ENOX1: variants seen among roughly 807,000 people sequenced by gnomAD.
ENOX1 encodes candidate growth-related and time keeping constitutive hydroquinone (NADH) oxidase.
In ENOX1, 42 loss-of-function variants were observed where a neutral mutation model predicts 82.5. The ratio of observed to expected loss-of-function variants is 0.51; its 90% CI spans 0.40 to 0.66. ENOX1 has a LOEUF of 0.66. Among genes scored for constraint, ENOX1 ranks in the 30% least tolerant of loss-of-function variants. The probability of loss-of-function intolerance (pLI) is 0.00; values close to 1 mark genes in which losing one functional copy is unlikely to be tolerated. For missense variants in ENOX1, 608 were observed against 811.6 expected (o/e 0.75, Z 3.05); for synonymous variants, 271 against 282.2 (o/e 0.96, Z 0.40).
At chr13:43,710,012 G>A (rs993757720) in intron 1 of ENOX1, among the ~76,000 whole-genome samples, 1 of 152,108 alleles carries the variant, frequency 6.6e-6, no homozygotes, top group Non-Finnish European at 1.5e-5. Context: ...CAGCATATGT[G>A]ATAAGAACAC....
At chr13:43,781,159 T>C (rs1271608484) in intron 1 of ENOX1, among the ~76,000 whole-genome samples, 1 of 152,250 alleles carries the variant, frequency 6.6e-6, no homozygotes, top group Non-Finnish European at 1.5e-5. Flanking sequence ...GCTTAAAATA[T>C]GCAGTGCCAG....
chr13:43,360,084 T>C, intron 6 of ENOX1, 27 bp from the exon 7 acceptor site: 1 of 1,603,648 alleles, frequency 6.2e-7, no homozygotes, highest in African/African-American at 1.3e-5. Flanking sequence ...AACAGAAAGT[T>C]TTATCTTTCA....
At chr13:43,445,968 G>A (rs1290085076) in intron 3 of ENOX1, among the ~76,000 whole-genome samples, 1 of 152,116 alleles carries the variant, frequency 6.6e-6, no homozygotes, top group African/African-American at 2.4e-5. Flanking sequence ...GCTCCCACGA[G>A]GAAAACATCT....
chr13:43,411,537 CA>C (rs2054126317), intron 5 of ENOX1, among the ~76,000 whole-genome samples: 1 of 152,126 alleles, frequency 6.6e-6, no homozygotes, highest in Non-Finnish European at 1.5e-5. Flanking sequence ...GAAACATTAA[CA>C]AGAGCAATAA....
chr13:43,587,042 C>G (rs1315285810), intron 2 of ENOX1, among the ~76,000 whole-genome samples: 1 of 150,044 alleles, frequency 6.7e-6, no homozygotes. Context: ...CCACTGCACT[C>G]CAGTCTGGCG....
chr13:43,245,747 C>T (rs895576341), intron 14 of ENOX1, among the ~76,000 whole-genome samples: 2 of 152,202 alleles, frequency 1.3e-5, no homozygotes, highest in Admixed American at 6.5e-5. Flanking sequence ...CAATAGTTTT[C>T]AGCATCAGAG....
chr13:43,299,950 T>C (rs943678851), intron 11 of ENOX1, among the ~76,000 whole-genome samples: 7 of 152,184 alleles, frequency 4.6e-5, no homozygotes, highest in Non-Finnish European at 1.0e-4. Flanking sequence ...GTGATAAAGC[T>C]TTACTGAGGT....
chr13:43,710,170 G>A (rs913725522), intron 1 of ENOX1, among the ~76,000 whole-genome samples: 2 of 152,040 alleles, frequency 1.3e-5, no homozygotes, highest in African/African-American at 4.8e-5. Context: ...GCAGGAGGAG[G>A]GAAAGACAGT....
chr13:43,424,259 G>A (rs2055155980), intron 3 of ENOX1, among the ~76,000 whole-genome samples: 1 of 152,136 alleles, frequency 6.6e-6, no homozygotes, highest in South Asian at 2.1e-4. Context: ...TATAATTTGT[G>A]CTGTTTTGTG....
At position 43,277,105 on chromosome 13, in the gene ENOX1, T is replaced by C. The variant is rs780082734; in HGVS notation, c.1447-7528A>G. On this transcript the variant is annotated intron_variant, in intron 12 of 16. Coordinates refer to ENST00000690772, the MANE Select transcript of ENOX1 (RefSeq NM_001347969.2). The stretch of plus-strand genomic sequence containing the variant: ...GACTGATAACAGGAATCCTGGATCA[T>C]GGAAATGAAATTGTGTTCACAGCCT... 2.0e-5 allele frequency among the ~76,000 whole-genome samples: 3 copies of C among 152,200 alleles called. No homozygotes were observed. In the South Asian group the frequency reaches 6.2e-4, roughly 32 times the overall value.
chr13:43,274,866 C>T (rs2044912302), intron 12 of ENOX1, among the ~76,000 whole-genome samples: 1 of 152,190 alleles, frequency 6.6e-6, no homozygotes, highest in Non-Finnish European at 1.5e-5. Flanking sequence ...ATGCAGACTT[C>T]AGTATGTAAT....
chr13:43,688,683 T>TA (rs1462936787), intron 1 of ENOX1, among the ~76,000 whole-genome samples: 1 of 152,120 alleles, frequency 6.6e-6, no homozygotes, highest in African/African-American at 2.4e-5. Context: ...ATCAGAATAG[T>TA]AAAAATGGCT....
At chr13:43,526,395 T>C (rs2153685644) in intron 2 of ENOX1, among the ~76,000 whole-genome samples, 1 of 152,172 alleles carries the variant, frequency 6.6e-6, no homozygotes, top group East Asian at 1.9e-4. Context: ...ATTCTGGCCT[T>C]GAAAAACCAG....
intron 2 of ENOX1, among the ~76,000 whole-genome samples, chr13:43,572,180 C>G (rs1488405896): frequency 6.6e-6 from 1 of 152,082 alleles, no homozygotes; most frequent in South Asian, 2.1e-4. Flanking sequence ...AAATTCTCCC[C>G]AATTCACCAG....
intron 2 of ENOX1, among the ~76,000 whole-genome samples, chr13:43,630,975 C>T (rs2083192744): frequency 6.6e-6 from 1 of 151,924 alleles, no homozygotes; most frequent in East Asian, 1.9e-4. Context: ...ATTAGATGGG[C>T]TCATACCGTA....
chr13:43,431,085 C>T (rs868110815), intron 3 of ENOX1, among the ~76,000 whole-genome samples: 5 of 152,120 alleles, frequency 3.3e-5, no homozygotes, highest in Non-Finnish European at 7.3e-5. Flanking sequence ...ATAGAGTGGG[C>T]TGATGGCTAC....
At chr13:43,487,002 G>A (rs541062064) in intron 2 of ENOX1, among the ~76,000 whole-genome samples, 6 of 152,122 alleles carry the variant, frequency 3.9e-5, no homozygotes, top group African/African-American at 1.2e-4. Flanking sequence ...ATGAAACCCC[G>A]TCTCTACTAA....
intron 1 of ENOX1, among the ~76,000 whole-genome samples, chr13:43,713,856 A>G (rs983102003): frequency 7.9e-5 from 12 of 151,770 alleles, no homozygotes; most frequent in African/African-American, 2.4e-4. Context: ...GATCCTTTCA[A>G]AAAACCAGCT....
At position 43,460,237 on chromosome 13, in the gene ENOX1, C is replaced by T. The variant is rs2153637129; in HGVS notation, c.-75+23772G>A. Among the ~76,000 whole-genome samples, 2 of 152,258 alleles carry T rather than the reference C, an allele frequency of 1.3e-5. 1 individual carries two copies. The highest frequency in any genetic ancestry group is 4.1e-4 in the South Asian group (2 of 4,820). On this transcript the variant is annotated intron_variant, in intron 3 of 16. Transcript: ENST00000690772. ...TAATACCCCTCCTTCATCTTAACTG[C>T]AGAAATTCTGTGAGAACCTATTGCA...
Sources: allele counts gnomAD v4.1 joint callset (sites outside exome capture counted in the v4.1 genomes callset), GRCh38; gene constraint gnomAD v4.1.1; transcripts MANE v1.5; gene names NCBI Gene and HGNC (gene_info 2026-07-23, HGNC 2026-07-21).